Variants in LRP2 observed in about 807,000 individuals in gnomAD.
LRP2 encodes low-density lipoprotein receptor-related protein 2.
LRP2 carries 172 observed loss-of-function variants against 531.0 expected under a neutral mutation model. The observed-to-expected ratio is 0.32, with a 90% CI of 0.29 to 0.37. The LOEUF (loss-of-function observed/expected upper bound fraction) is 0.37. Among genes scored for constraint, LRP2 ranks in the 10% least tolerant of loss-of-function variants. The pLI, the probability that LRP2 is intolerant of heterozygous loss-of-function variation, is 1.00. For missense variants in LRP2, 5,167 were observed against 5,868.3 expected, an observed-to-expected ratio of 0.88 and a Z score of 3.90; for synonymous variants, 1,992 against 2,027.6, an observed-to-expected ratio of 0.98 and a Z score of 0.47.
Position 169,216,414 on chromosome 2 carries a change from C to T in LRP2, c.5665G>A (p.Asp1889Asn), listed in dbSNP as rs2105347653. 1 of 1,613,522 alleles carries T rather than the reference C, an allele frequency of 6.2e-7. No homozygotes were observed. The highest frequency in any genetic ancestry group is 1.1e-5 in the South Asian group (1 of 91,064). Residue 1889 changes from aspartate to asparagine, a missense_variant, in exon 35 of 79, where the codon GAC (aspartate) becomes AAC (asparagine). Coordinates refer to ENST00000649046, the MANE Select transcript of LRP2 (RefSeq NM_004525.3). The stretch of plus-strand genomic sequence containing the variant: ...GGAACCCCACTGTCAGTTCCTTGGT[C>T]TGACCAGTACAGCTTCCTACAACCA... The part of the protein sequence containing the change: ...DPARGKLYWS[D>N]QGTDSGVPAK...
chr2:169,145,028 G>A lies in LRP2; in HGVS notation c.12988+719C>T, dbSNP rs577200597. ...GCACACAAGTTACTAAATCTGTCTC[G>A]GCCTCAGTTTCTTTATTTGAGATGA... On this transcript the variant is annotated intron_variant, in intron 70 of 78. Coordinates refer to ENST00000649046, the MANE Select transcript of LRP2 (RefSeq NM_004525.3). Among the ~76,000 whole-genome samples the A allele has an allele frequency of 3.3e-5, 5 of 152,172 alleles. No individual in the cohort carries two copies. The South Asian group carries it at 6.2e-4, about 19-fold the overall frequency.
intron 1 of LRP2, among the ~76,000 whole-genome samples, chr2:169,361,008 C>T (rs1395242965): frequency 2.0e-5 from 3 of 152,214 alleles, no homozygotes; most frequent in African/African-American, 7.2e-5. Flanking sequence ...ACCCATCAAC[C>T]CCAATATGTG....
chr2:169,167,277 T>C (rs910983768), intron 61 of LRP2, among the ~76,000 whole-genome samples: 2 of 152,200 alleles, frequency 1.3e-5, no homozygotes, highest in African/African-American at 4.8e-5. Context: ...TGAAATATAA[T>C]GAACACTAAT....
chr2:169,353,497 C>T (rs1009233262), intron 1 of LRP2, among the ~76,000 whole-genome samples: 1 of 152,092 alleles, frequency 6.6e-6, no homozygotes, highest in Non-Finnish European at 1.5e-5. Context: ...ATTGTGTAGG[C>T]CATTTTGAGT....
chr2:169,316,417 T>C (rs992339279), intron 3 of LRP2, among the ~76,000 whole-genome samples: 3 of 152,240 alleles, frequency 2.0e-5, no homozygotes, highest in East Asian at 1.9e-4. Context: ...TTATGAAATA[T>C]GTTTCACAAA....
chr2:169,204,189 G>C lies in LRP2; in HGVS notation c.7798C>G (p.Leu2600Val). 6.2e-7 allele frequency: 1 copy of C among 1,614,148 alleles called. No homozygotes were observed. The highest frequency in any genetic ancestry group is 8.5e-7 in the Non-Finnish European group (1 of 1,180,016). ...GTCCAGTAAATATACTGGCCATAGA[G>C]AGTCAAGCCAAAAGCATGAACGGCT... is the stretch of plus-strand genomic sequence containing the variant. ...NAAVHAFGLT[L>V]YGQYIYWTDL... Residue 2600 changes from leucine to valine, a missense_variant, in exon 42 of 79, where the codon CTC becomes GTC. Leu to Val is a conservative substitution (Grantham distance 32). Around this residue, in one of 6 missense-constraint regions of LRP2, gnomAD observed 1,129 missense variants for 1,362.7 expected, o/e 0.83. Transcript: ENST00000649046.
Position 169,202,976 on chromosome 2 carries a change from C to T in LRP2, c.8006-17G>A. The T allele has an allele frequency of 6.2e-7, 1 of 1,610,878 alleles. No individual in the cohort carries two copies. The highest frequency in any genetic ancestry group is 8.5e-7 in the Non-Finnish European group (1 of 1,177,404). ...CATTTGGACCTGAAGAAAGATAATC[C>T]CAGAAGAAGTAAAAGATGGATGCAG... On this transcript the variant is annotated splice_polypyrimidine_tract_variant and intron_variant, in intron 42 of 78. Transcript: ENST00000649046.
At position 169,128,564 on chromosome 2, in the gene LRP2, T is replaced by C. The variant is rs1685173001; in HGVS notation, c.*99A>G. 1 of 1,238,440 alleles carries C rather than the reference T, an allele frequency of 8.1e-7. No individual in the cohort carries two copies. Among genetic ancestry groups the C allele is most frequent in the African/African-American group, 1.5e-5 (1 of 66,884 alleles). The allele number at this position is 1,238,440 out of a possible 1,614,324, so 76.7% of individuals were successfully genotyped here. On this transcript the variant is annotated 3_prime_UTR_variant, in exon 79 of 79. Transcript: ENST00000649046. ...TATAGGCAAACAGGGAAAAATATAT[T>C]TTTTTCATAAAGTACTGAATGTTAA...
chr2:169,343,028 T>C (rs1019064563), intron 1 of LRP2, among the ~76,000 whole-genome samples: 10 of 152,214 alleles, frequency 6.6e-5, no homozygotes, highest in African/African-American at 2.4e-4. Flanking sequence ...TAGTCTTCCC[T>C]GGGCAAATCC....
intron 49 of LRP2, 115 bp from the exon 50 acceptor site, chr2:169,186,134 G>T: frequency 1.1e-6 from 1 of 929,014 alleles, no homozygotes; most frequent in Non-Finnish European, 1.7e-6. Flanking sequence ...ATCATGCTAA[G>T]ACAGACAACA....
chr2:169,300,464 A>T (rs1447894423), intron 4 of LRP2, among the ~76,000 whole-genome samples: 1 of 152,124 alleles, frequency 6.6e-6, no homozygotes, highest in Non-Finnish European at 1.5e-5. Context: ...TGGATATATC[A>T]CATATGTAAA....
chr2:169,147,379 G>A (rs1374865684), intron 68 of LRP2, among the ~76,000 whole-genome samples: 1 of 152,116 alleles, frequency 6.6e-6, no homozygotes, highest in Non-Finnish European at 1.5e-5. Flanking sequence ...CTGGAATGCA[G>A]CGACATAATC....
intron 62 of LRP2, among the ~76,000 whole-genome samples, chr2:169,163,767 A>G (rs1483053864): frequency 6.6e-6 from 1 of 152,190 alleles, no homozygotes; most frequent in Non-Finnish European, 1.5e-5. Flanking sequence ...ATAAGCAAGA[A>G]GTGGGGTGAG....
chr2:169,139,056 G>A (rs1685622572), intron 74 of LRP2, among the ~76,000 whole-genome samples, 195 bp downstream of exon 74: 1 of 152,184 alleles, frequency 6.6e-6, no homozygotes, highest in African/African-American at 2.4e-5. Flanking sequence ...TTGTCACTCA[G>A]GCTTTAGAGA....
At position 169,225,133 on chromosome 2, in the gene LRP2, T is replaced by A. The variant is rs571741269; in HGVS notation, c.5538+177A>T. ...TAAATAAAAATAAATTTAAAAAAAA[T>A]TTTAAGGTGGTTTTCCTCTTTCACT... On this transcript the variant is annotated intron_variant, in intron 33 of 78. Coordinates refer to ENST00000649046, the MANE Select transcript of LRP2 (RefSeq NM_004525.3). 4.8e-4 allele frequency among the ~76,000 whole-genome samples: 73 copies of A among 151,846 alleles called. 1 individual carries two copies. The highest frequency in any genetic ancestry group is 1.7e-3 in the African/African-American group (71 of 41,470).
intron 32 of LRP2, among the ~76,000 whole-genome samples, chr2:169,226,042 C>T (rs550038366): frequency 6.6e-6 from 1 of 152,154 alleles, no homozygotes; most frequent in Non-Finnish European, 1.5e-5. Context: ...TTATATTCGT[C>T]GAATATTTTC....
intron 3 of LRP2, among the ~76,000 whole-genome samples, chr2:169,316,967 G>C (rs1046503850): frequency 6.6e-6 from 1 of 152,118 alleles, no homozygotes; most frequent in Non-Finnish European, 1.5e-5. Context: ...TGCCCATCCA[G>C]TGTGAGAAGG....
At chr2:169,180,221 C>T (rs1687377506) in intron 52 of LRP2, among the ~76,000 whole-genome samples, 1 of 152,170 alleles carries the variant, frequency 6.6e-6, no homozygotes, top group African/African-American at 2.4e-5. Flanking sequence ...GATGCTTCTA[C>T]TAATTCAATA....
intron 44 of LRP2, among the ~76,000 whole-genome samples, 181 bp downstream of exon 44, chr2:169,201,447 A>G (rs963595937): frequency 3.3e-5 from 5 of 152,222 alleles, no homozygotes; most frequent in Non-Finnish European, 5.9e-5. Flanking sequence ...AAAAGGAGAG[A>G]AAAATGAAAC....
Sources: gnomAD v4.1 joint callset for allele counts (sites outside exome capture counted in the v4.1 genomes callset) on GRCh38, gnomAD v4.1.1 for gene constraint, gnomAD v4.1.1 regional missense constraint, MANE v1.5 for transcripts, NCBI Gene and HGNC (gene_info 2026-07-23, HGNC 2026-07-21) for gene names.